The following CYP2J2 variants were observed in gnomAD, a reference collection of about 807,000 sequenced individuals.
CYP2J2 encodes cytochrome P450 family 2 subfamily J member 2.
In CYP2J2, 41 loss-of-function variants were observed where a neutral mutation model predicts 48.8. The ratio of observed to expected loss-of-function variants is 0.84; its 90% CI spans 0.66 to 1.09. The LOEUF is 1.09. Ranked by LOEUF, CYP2J2 falls within the 50% of genes least tolerant of loss-of-function variation. The pLI is 0.00. For missense variants in CYP2J2, 644 were observed against 617.3 expected (o/e 1.04, Z -0.46); for synonymous variants, 221 against 227.1 (o/e 0.97, Z 0.24).
the CYP2J2 span, among the ~76,000 whole-genome samples, chr1:59,959,469 T>C: frequency 6.6e-6 from 1 of 152,036 alleles, no homozygotes; most frequent in South Asian, 2.1e-4. Context: ...CACATGCTTA[T>C]AGCAGCACAA....
chr1:59,908,559 T>G (rs536235395), intron 5 of CYP2J2, among the ~76,000 whole-genome samples: 43 of 152,348 alleles, frequency 2.8e-4, no homozygotes, highest in African/African-American at 9.1e-4. Context: ...TTCTGGAAAC[T>G]TCAATTTGTC....
intron 4 of CYP2J2, among the ~76,000 whole-genome samples, chr1:59,911,280 T>C (rs1644411580): frequency 6.6e-6 from 1 of 151,588 alleles, no homozygotes; most frequent in Admixed American, 6.6e-5. Context: ...AATGGACGAG[T>C]TGGGGAAGGA....
rs1200565459 is a variant in CYP2J2 at position 59,910,960 on chromosome 1, TG to T, written c.684+647del. The stretch of plus-strand genomic sequence containing the variant: ...GAAGATTGATGATATTAAGTGCTGG[TG>T]GGCAGGCAAATAATGCAATGAGCTT... On this transcript the variant is annotated intron_variant, in intron 4 of 8. Coordinates refer to ENST00000371204, the MANE Select transcript of CYP2J2 (RefSeq NM_000775.4). Among the ~76,000 whole-genome samples, 8 of 152,286 alleles carry T rather than the reference TG, an allele frequency of 5.3e-5. No homozygotes were observed. The East Asian group carries it at 5.8e-4, about 11-fold the overall frequency.
At chr1:59,954,648 T>C in the CYP2J2 span, among the ~76,000 whole-genome samples, 1 of 151,914 alleles carries the variant, frequency 6.6e-6, no homozygotes, top group Non-Finnish European at 1.5e-5. Context: ...TGCAGAGATA[T>C]GGGCAAAACA....
chr1:59,925,461 G>A (rs1644555709), intron 1 of CYP2J2, among the ~76,000 whole-genome samples: 1 of 152,118 alleles, frequency 6.6e-6, no homozygotes, highest in African/African-American at 2.4e-5. Flanking sequence ...TAAAAGAACT[G>A]AAATTGTACA....
chr1:59,965,064 G>A, the CYP2J2 span, among the ~76,000 whole-genome samples: 16 of 152,312 alleles, frequency 1.1e-4, no homozygotes, highest in East Asian at 2.7e-3. Flanking sequence ...ATAATTATGA[G>A]TATATGAAAA....
chr1:59,927,869 A>G (rs1250955919), upstream of CYP2J2, among the ~76,000 whole-genome samples: 1 of 152,188 alleles, frequency 6.6e-6, no homozygotes, highest in Non-Finnish European at 1.5e-5. Flanking sequence ...AAGAAATGAA[A>G]TGAGAGTTGA....
chr1:59,895,627 TA>T (rs771710380), intron 8 of CYP2J2, among the ~76,000 whole-genome samples: 23 of 152,094 alleles, frequency 1.5e-4, no homozygotes, highest in South Asian at 4.1e-4. Context: ...TGACCATATA[TA>T]TTTTTTTGAT....
rs1574257487 is a variant in CYP2J2 at position 59,916,006 on chromosome 1, A to T, written c.305T>A (p.Ile102Asn). 6.2e-7 allele frequency: 1 copy of T among 1,614,016 alleles called. No individual in the cohort carries two copies. Among genetic ancestry groups the T allele is most frequent in the Non-Finnish European group, 8.5e-7 (1 of 1,179,946 alleles). The change falls in exon 2 of 9, where the codon ATC (isoleucine) becomes AAC (asparagine). Residue 102 changes from isoleucine (I) to asparagine (N), a missense_variant. Transcript: ENST00000371204. ...TGLPLIKEAL[I>N]HMDQNFGNRP... is the part of the protein sequence containing the mutation. ...GTTCCCAAAGTTTTGGTCCATGTGG[A>T]TAAGGGCTTCTTTGATTAAGGGCAA...
chr1:59,913,672 C>T (rs1274576889), intron 2 of CYP2J2, among the ~76,000 whole-genome samples: 1 of 152,210 alleles, frequency 6.6e-6, no homozygotes, highest in African/African-American at 2.4e-5. Context: ...CTATCTTGGA[C>T]TAACCTACTG....
intron 2 of CYP2J2, chr1:59,912,747 T>C (rs1472141924): frequency 6.0e-6 from 1 of 165,332 alleles, no homozygotes; most frequent in Non-Finnish European, 1.3e-5. Flanking sequence ...GTTAAGTATT[T>C]ATGTTATGCT....
chr1:59,912,072 G>A, intron 3 of CYP2J2, 90 bp downstream of exon 3: 1 of 1,351,524 alleles, frequency 7.4e-7, no homozygotes. Context: ...ACAGTGCTGG[G>A]CATAGAACAA....
chr1:59,930,943 C>A (rs919779650), upstream of CYP2J2, among the ~76,000 whole-genome samples: 3 of 152,128 alleles, frequency 2.0e-5, no homozygotes, highest in Non-Finnish European at 4.4e-5. Context: ...ATTTCTTCTC[C>A]TTTCTCCTTT....
intron 7 of CYP2J2, 108 bp from the exon 8 acceptor site, chr1:59,901,211 C>T: frequency 3.7e-6 from 4 of 1,090,428 alleles, no homozygotes; most frequent in South Asian, 3.1e-5. Flanking sequence ...GAACATACTG[C>T]CCCACCCTCC....
chr1:59,962,045 T>C, the CYP2J2 span, among the ~76,000 whole-genome samples: 17 of 152,156 alleles, frequency 1.1e-4, no homozygotes, highest in African/African-American at 3.9e-4. Flanking sequence ...TAGATTATGG[T>C]GATGGCTGTA....
chr1:59,907,946 G>C lies in CYP2J2; in HGVS notation c.862-19C>G. ...CTGTGTGCTAGAAAACACAATGTTT[G>C]ATGTTATTTATTGGTTTATTCAGAG... On this transcript the variant is annotated intron_variant, in intron 5 of 8. Coordinates refer to ENST00000371204, the MANE Select transcript of CYP2J2 (RefSeq NM_000775.4). 5 of 1,613,174 alleles carry C rather than the reference G, an allele frequency of 3.1e-6. No individual in the cohort carries two copies. Among genetic ancestry groups the C allele is most frequent in the Admixed American group, 1.7e-5 (1 of 60,000 alleles).
chr1:59,916,554 T>G (rs1644467927), intron 1 of CYP2J2, among the ~76,000 whole-genome samples: 1 of 152,104 alleles, frequency 6.6e-6, no homozygotes, highest in East Asian at 1.9e-4. Flanking sequence ...GGCAACATAG[T>G]GAGACCCTGT....
chr1:59,920,298 G>C (rs2102136193), intron 1 of CYP2J2, among the ~76,000 whole-genome samples: 1 of 150,928 alleles, frequency 6.6e-6, no homozygotes, highest in East Asian at 1.9e-4. Context: ...AATGCAGAAG[G>C]TGTTTGGGAG....
At chr1:59,904,823 C>A in intron 7 of CYP2J2, 48 bp downstream of exon 7, 1 of 1,517,040 alleles carries the variant, frequency 6.6e-7, no homozygotes, top group South Asian at 1.2e-5. Context: ...TTCTCAAGTT[C>A]AAGTTTCTAC....
Sources: gnomAD v4.1 joint callset for allele counts (sites outside exome capture counted in the v4.1 genomes callset) on GRCh38, gnomAD v4.1.1 for gene constraint, MANE v1.5 for transcripts, NCBI Gene and HGNC (gene_info 2026-07-23, HGNC 2026-07-21) for gene names.